DLGAP4: variants seen among roughly 807,000 people sequenced by gnomAD.
DLGAP4 encodes disks large-associated protein 4.
Under a neutral mutation model 86.9 loss-of-function variants are expected in DLGAP4, and 18 were observed. That is an observed-to-expected ratio of 0.21 (90% confidence interval 0.14 to 0.31). The LOEUF (loss-of-function observed/expected upper bound fraction) is 0.31. Ranked by LOEUF, DLGAP4 falls within the 10% of genes least tolerant of loss-of-function variation. The probability of loss-of-function intolerance (pLI) is 1.00; values close to 1 mark genes in which losing one functional copy is unlikely to be tolerated. For missense variants in DLGAP4, 1,085 were observed against 1,362.6 expected (o/e 0.80, Z 3.21); for synonymous variants, 548 against 574.3 (o/e 0.95, Z 0.65).
At chr20:36,329,529 A>T (rs1555891317) in intron 1 of DLGAP4, among the ~76,000 whole-genome samples, 2 of 152,180 alleles carry the variant, frequency 1.3e-5, no homozygotes, top group African/African-American at 2.4e-5. Context: ...GGATGGAAAA[A>T]ACTGAGTCAG....
intron 2 of DLGAP4, among the ~76,000 whole-genome samples, chr20:36,411,528 C>T (rs990467902): frequency 6.6e-6 from 1 of 152,178 alleles, no homozygotes. Context: ...CAGCCCTTTG[C>T]TAATACAAAT....
At chr20:36,485,463 G>C (rs2035370123) in intron 7 of DLGAP4, among the ~76,000 whole-genome samples, 1 of 152,270 alleles carries the variant, frequency 6.6e-6, no homozygotes, top group African/African-American at 2.4e-5. Flanking sequence ...CAACATGGCA[G>C]CTGTGAGCCA....
At chr20:36,456,296 T>C in intron 7 of DLGAP4, among the ~76,000 whole-genome samples, 1 of 152,202 alleles carries the variant, frequency 6.6e-6, no homozygotes, top group Non-Finnish European at 1.5e-5. Flanking sequence ...TTCGAAGCCC[T>C]GGGTTCTCCA....
chr20:36,442,473 C>T (rs1459939624), intron 5 of DLGAP4, among the ~76,000 whole-genome samples: 1 of 152,222 alleles, frequency 6.6e-6, no homozygotes, highest in Admixed American at 6.5e-5. Context: ...GGATTATAGG[C>T]ATGAGCCACT....
At chr20:36,468,102 G>A (rs2034499171) in intron 7 of DLGAP4, among the ~76,000 whole-genome samples, 4 of 152,212 alleles carry the variant, frequency 2.6e-5, no homozygotes, top group African/African-American at 9.7e-5. Flanking sequence ...GAAGGTCAGG[G>A]TGCCAGTTTA....
rs111845760 is a variant in DLGAP4, at chr20:36,513,302, A to T, written c.2513-10948A>T. ...GGTGGCTCACGCCTGTAATCCCAGC[A>T]CTTTGGGAGGCCGAGGCGGGTGGAT... On this transcript the variant is annotated intron_variant, in intron 10 of 12. Coordinates refer to ENST00000339266, the MANE Select transcript of DLGAP4 (RefSeq NM_001365621.2). Among the ~76,000 whole-genome samples, 1,216 of 150,438 alleles carry T rather than the reference A, an allele frequency of 8.1e-3. 17 individuals carry two copies. Among genetic ancestry groups the T allele is most frequent in the African/African-American group, 0.028 (1,155 of 40,804 alleles).
chr20:36,526,259 C>T (rs1432120564), intron 12 of DLGAP4: 5 of 616,870 alleles, frequency 8.1e-6, no homozygotes, highest in South Asian at 1.9e-5. Context: ...GGGAGAGGCA[C>T]GCCCACAGCC....
At chr20:36,466,925 G>GCTCTCT (rs545978839) in intron 7 of DLGAP4, among the ~76,000 whole-genome samples, 1 of 131,022 alleles carries the variant, frequency 7.6e-6, no homozygotes, top group African/African-American at 2.9e-5. Context: ...TCTCGCTCTT[G>GCTCTCT]CTCTCTCTCT....
chr20:36,362,134 A>T (rs1047654951), intron 1 of DLGAP4, among the ~76,000 whole-genome samples: 2 of 151,906 alleles, frequency 1.3e-5, no homozygotes, highest in Admixed American at 6.6e-5. Flanking sequence ...TCTAGAAAAA[A>T]TACAAAAATT....
intron 10 of DLGAP4, among the ~76,000 whole-genome samples, chr20:36,501,156 C>T (rs2036129201): frequency 6.6e-6 from 1 of 151,682 alleles, no homozygotes. Flanking sequence ...ACCTCTGCCT[C>T]CCAAGTTCAA....
At chr20:36,462,454 C>T in intron 7 of DLGAP4, 1 of 1,536,364 alleles carries the variant, frequency 6.5e-7, no homozygotes, top group Non-Finnish European at 8.7e-7. Context: ...GCCCTTGGCC[C>T]CCCCTTGCTT....
intron 10 of DLGAP4, chr20:36,510,912 A>C (rs939203426): frequency 6.6e-6 from 1 of 152,194 alleles, no homozygotes; most frequent in Admixed American, 6.5e-5. Context: ...GTATCTGGTG[A>C]GTGCTCCTTC....
intron 7 of DLGAP4, among the ~76,000 whole-genome samples, chr20:36,459,860 G>C (rs1056231450): frequency 3.3e-5 from 5 of 152,340 alleles, no homozygotes; most frequent in Admixed American, 2.6e-4. Flanking sequence ...TCCCGCCTTG[G>C]CCTCCCAAAG....
At chr20:36,479,238 G>A (rs1336985702) in intron 7 of DLGAP4, among the ~76,000 whole-genome samples, 1 of 152,104 alleles carries the variant, frequency 6.6e-6, no homozygotes, top group African/African-American at 2.4e-5. Context: ...TTGCCAAGTT[G>A]TCTCTTACTC....
At chr20:36,421,740 G>A (rs1409736088) in intron 2 of DLGAP4, among the ~76,000 whole-genome samples, 3 of 152,092 alleles carry the variant, frequency 2.0e-5, no homozygotes, top group Non-Finnish European at 4.4e-5. Context: ...TAGAATCGGG[G>A]CAGACTGTGG....
intron 7 of DLGAP4, among the ~76,000 whole-genome samples, chr20:36,490,517 G>C (rs939799072): frequency 6.6e-6 from 1 of 152,152 alleles, no homozygotes; most frequent in Non-Finnish European, 1.5e-5. Context: ...CTTTTCCCTA[G>C]CTTGGCAGTA....
At chr20:36,338,835 G>A (rs1412735878) in intron 1 of DLGAP4, among the ~76,000 whole-genome samples, 1 of 152,366 alleles carries the variant, frequency 6.6e-6, no homozygotes, top group Middle Eastern at 3.4e-3. Context: ...CCTGAGGAAG[G>A]AGTGACAGCC....
Position 36,500,133 on chromosome 20 carries a change from C to T in DLGAP4, c.2100-66C>T. 1 of 1,487,416 alleles carries T rather than the reference C, an allele frequency of 6.7e-7. No homozygotes were observed. The allele number at this position is 1,487,416 out of a possible 1,614,324, so 92.1% of individuals were successfully genotyped here. A position where few individuals can be genotyped will look rare whatever the true frequency, so the allele number is the denominator to read the frequency against. ...CCGTGTGTCCGGGTCAAGGCGGCCT[C>T]TGGTCTCTGGCCCTCTTGGTGACTC... On this transcript the variant is annotated intron_variant, in intron 9 of 12. Transcript: ENST00000339266. This position sits in a 1 kb window ranked among gnomAD's most constrained non-coding sequence, Gnocchi z 4.6.
intron 10 of DLGAP4, among the ~76,000 whole-genome samples, chr20:36,507,362 G>A (rs1234455851): frequency 6.6e-6 from 1 of 152,050 alleles, no homozygotes; most frequent in African/African-American, 2.4e-5. Flanking sequence ...TGAGTAGCTG[G>A]GATTACAGGC....
Sources: allele counts gnomAD v4.1 joint callset (sites outside exome capture counted in the v4.1 genomes callset), GRCh38; gene constraint gnomAD v4.1.1; non-coding constraint Gnocchi (gnomAD v3.1); transcripts MANE v1.5; gene names NCBI Gene and HGNC (gene_info 2026-07-23, HGNC 2026-07-21).